DPT: variants seen among roughly 807,000 people sequenced by gnomAD.
The protein encoded by DPT is tyrosine-rich acidic matrix protein.
DPT carries 21 observed loss-of-function variants against 31.2 expected under a neutral mutation model. The ratio of observed to expected loss-of-function variants is 0.67; its 90% CI spans 0.48 to 0.97. DPT has a LOEUF of 0.97. Among genes scored for constraint, DPT ranks in the 50% least tolerant of loss-of-function variants. The pLI, the probability that DPT is intolerant of heterozygous loss-of-function variation, is 0.00. For missense variants in DPT, 262 were observed against 258.8 expected (o/e 1.01, Z -0.08); for synonymous variants, 91 against 86.9 (o/e 1.05, Z -0.26).
At chr1:168,701,426 CCTATT>C (rs904905900) in intron 2 of DPT, among the ~76,000 whole-genome samples, 2 of 152,108 alleles carry the variant, frequency 1.3e-5, no homozygotes, top group African/African-American at 4.8e-5. Context: ...CAATACTATT[CCTATT>C]CTATTCAAGT....
chr1:168,701,643 A>G (rs960468872), intron 2 of DPT, among the ~76,000 whole-genome samples: 1 of 152,222 alleles, frequency 6.6e-6, no homozygotes, highest in Non-Finnish European at 1.5e-5. Context: ...ATATTGCGAT[A>G]GTTTAATGTT....
intron 1 of DPT, among the ~76,000 whole-genome samples, chr1:168,720,412 G>A (rs1029581664): frequency 1.7e-4 from 26 of 152,168 alleles, no homozygotes; most frequent in African/African-American, 6.0e-4. Flanking sequence ...AGGTGTGTGA[G>A]TGTCTGGTTT....
chr1:168,701,651 G>A (rs1649600070), intron 2 of DPT, among the ~76,000 whole-genome samples: 1 of 152,116 alleles, frequency 6.6e-6, no homozygotes, highest in African/African-American at 2.4e-5. Flanking sequence ...ATAGTTTAAT[G>A]TTTCTTATTG....
intron 2 of DPT, among the ~76,000 whole-genome samples, chr1:168,706,571 A>T (rs896309580): frequency 6.6e-6 from 1 of 152,222 alleles, no homozygotes; most frequent in African/African-American, 2.4e-5. Context: ...GGGATTGGCC[A>T]AGCGGGACCT....
At chr1:168,711,210 C>A (rs373156443) in intron 2 of DPT, among the ~76,000 whole-genome samples, 1 of 149,552 alleles carries the variant, frequency 6.7e-6, no homozygotes, top group Non-Finnish European at 1.5e-5. Context: ...TAGTAGAGAA[C>A]GGGGTTTCAT....
intron 3 of DPT, among the ~76,000 whole-genome samples, chr1:168,696,908 G>A (rs952052632): frequency 1.3e-5 from 2 of 152,176 alleles, no homozygotes; most frequent in African/African-American, 4.8e-5. Flanking sequence ...TCAAGGACCT[G>A]TGGGTTAACA....
chr1:168,718,342 G>A (rs1286462596), intron 1 of DPT, among the ~76,000 whole-genome samples: 1 of 152,248 alleles, frequency 6.6e-6, no homozygotes. Context: ...GCTGGCCCCA[G>A]TGCCTGTACG....
intron 2 of DPT, among the ~76,000 whole-genome samples, chr1:168,701,988 T>C (rs1026183997): frequency 4.7e-5 from 7 of 148,744 alleles, no homozygotes; most frequent in African/African-American, 1.8e-4. Flanking sequence ...TCTCTTCCAA[T>C]ATTGAGTAAA....
chr1:168,707,493 A>G (rs1649748229), intron 2 of DPT, among the ~76,000 whole-genome samples: 1 of 152,286 alleles, frequency 6.6e-6, no homozygotes, highest in Non-Finnish European at 1.5e-5. Context: ...ATACTTAGCC[A>G]GACACATCTA....
At chr1:168,719,262 G>A (rs776083862) in intron 1 of DPT, among the ~76,000 whole-genome samples, 6 of 152,040 alleles carry the variant, frequency 3.9e-5, no homozygotes, top group Non-Finnish European at 5.9e-5. Context: ...TCCATGATGA[G>A]GGGGCAAAAT....
intron 1 of DPT, among the ~76,000 whole-genome samples, chr1:168,720,692 T>C (rs1319265094): frequency 6.6e-6 from 1 of 152,174 alleles, no homozygotes; most frequent in Non-Finnish European, 1.5e-5. Context: ...TGAGAAGTTT[T>C]GCCCATGATC....
Position 168,711,059 on chromosome 1 carries a change from G to A in DPT, c.431+3162C>T, listed in dbSNP as rs527740868. On this transcript the variant is annotated intron_variant, in intron 2 of 3. Coordinates refer to ENST00000367817, the MANE Select transcript of DPT (RefSeq NM_001937.5). The stretch of plus-strand genomic sequence containing the variant: ...AGAGTCTTGCTCTGTCGCCCAGGCT[G>A]GAGTGCAGTGGCGTGATCTCGGCTC... Among the ~76,000 whole-genome samples, 82 of 150,840 alleles carry A rather than the reference G, an allele frequency of 5.4e-4. 3 individuals are homozygous for A. In the South Asian group the frequency reaches 0.015, roughly 28 times the overall value.
At chr1:168,711,338 C>T (rs1649856300) in intron 2 of DPT, among the ~76,000 whole-genome samples, 1 of 152,110 alleles carries the variant, frequency 6.6e-6, no homozygotes, top group Non-Finnish European at 1.5e-5. Context: ...TTTTCTAAAA[C>T]CAGTGAGCCT....
At chr1:168,718,445 T>C (rs1189645732) in intron 1 of DPT, among the ~76,000 whole-genome samples, 1 of 152,230 alleles carries the variant, frequency 6.6e-6, no homozygotes, top group Non-Finnish European at 1.5e-5. Context: ...TAAGAACATA[T>C]AGTGAAAGTT....
intron 1 of DPT, among the ~76,000 whole-genome samples, chr1:168,723,592 C>T (rs1261576354): frequency 6.6e-6 from 1 of 152,184 alleles, no homozygotes; most frequent in Non-Finnish European, 1.5e-5. Flanking sequence ...AACAGAATTG[C>T]TCCATGACCC....
rs577157092 is a variant in DPT at position 168,728,988 on chromosome 1, A to G, written c.187T>C (p.Phe63Leu). Residue 63 changes from phenylalanine (F) to leucine (L), a missense_variant, in exon 1 of 4, where the codon TTC (phenylalanine) becomes CTC (leucine). By Grantham distance (22) the Phe-to-Leu change is conservative (BLOSUM62 0). Coordinates refer to ENST00000367817, the MANE Select transcript of DPT (RefSeq NM_001937.5). ...CTGTCAGAACCTTCCTTCTTGCTGA[A>G]GATGCTCCTCACGGCCACTATCACC... ...GQVIVAVRSIFSKKEGSDRQW... is the reference protein window; with the variant it reads ...GQVIVAVRSILSKKEGSDRQW... The G allele has an allele frequency of 6.2e-7, 1 of 1,614,190 alleles. No individual in the cohort carries two copies. Among genetic ancestry groups the G allele is most frequent in the Non-Finnish European group, 8.5e-7 (1 of 1,180,032 alleles).
At chr1:168,711,177 ATT>A (rs60428485) in intron 2 of DPT, among the ~76,000 whole-genome samples, 87,091 of 145,864 alleles carry the variant, frequency 0.6, 25,828 homozygotes, top group Middle Eastern at 0.75. Context: ...AGCCTGGCTA[ATT>A]TTTTTTTTTT....
intron 1 of DPT, among the ~76,000 whole-genome samples, chr1:168,728,037 A>G (rs1000136838): frequency 2.3e-4 from 35 of 152,178 alleles, no homozygotes; most frequent in South Asian, 1.9e-3. Context: ...CCTAGCAGTC[A>G]GTGCCTACTA....
intron 2 of DPT, among the ~76,000 whole-genome samples, chr1:168,705,015 C>T (rs920359025): frequency 3.3e-5 from 5 of 152,244 alleles, no homozygotes; most frequent in Admixed American, 6.5e-5. Flanking sequence ...TCCAGGTATA[C>T]GCTCTCACAT....
Sources: gnomAD v4.1 joint callset for allele counts (sites outside exome capture counted in the v4.1 genomes callset) on GRCh38, gnomAD v4.1.1 for gene constraint, MANE v1.5 for transcripts, NCBI Gene and HGNC (gene_info 2026-07-23, HGNC 2026-07-21) for gene names.